Variants in CASZ1 observed in about 807,000 individuals in gnomAD.
CASZ1 encodes zinc finger protein castor homolog 1.
In CASZ1, 28 loss-of-function variants were observed where a neutral mutation model predicts 135.2. That is an observed-to-expected ratio of 0.21 (90% CI 0.15 to 0.28). The LOEUF (loss-of-function observed/expected upper bound fraction) is 0.28. Ranked by LOEUF, CASZ1 falls within the 10% of genes least tolerant of loss-of-function variation. The pLI, the probability that CASZ1 is intolerant of heterozygous loss-of-function variation, is 1.00. For synonymous variants in CASZ1, 1,068 were observed against 1,073.4 expected (o/e 0.99, Z 0.10); for missense variants, 2,161 against 2,453.3 (o/e 0.88, Z 2.52).
chr1:10,640,023 T>C lies in CASZ1; in HGVS notation c.4199A>G (p.Lys1400Arg), dbSNP rs773030997. The C allele has an allele frequency of 1.8e-5, 29 of 1,610,880 alleles. No homozygotes were observed. The highest frequency in any genetic ancestry group is 2.3e-5 in the Non-Finnish European group (27 of 1,179,878). ...GTCCTCGATGATCCAGAAGCGCTTT[T>C]TGGCCCCCGAGGCTGTCGGCATAGA... ...TISMPTASGAKKRFWIIEDMS... is the reference protein window; with the variant it reads ...TISMPTASGARKRFWIIEDMS... The change falls in exon 21 of 21, where the codon AAA (lysine) becomes AGA (arginine). Residue 1400 changes from lysine to arginine, a missense_variant. By Grantham distance (26) the Lys-to-Arg change is conservative. This residue lies in a region of CASZ1 where 143 missense variants were observed against 128.3 expected (regional missense o/e 1.11). Transcript: ENST00000377022.
chr1:10,743,356 T>C (rs72860186), intron 2 of CASZ1, among the ~76,000 whole-genome samples: 206 of 151,270 alleles, frequency 1.4e-3, no homozygotes, highest in African/African-American at 4.6e-3. Context: ...AGAAGGAGAC[T>C]ACATCTCCAA....
rs1277761012 is a variant in CASZ1, at chr1:10,697,568, ACTG to A, written c.-23-3659_-23-3657del. ...GAAAGCCATCTGCCCTTCCTGTCAC[ACTG>A]CTATCGCTGGTTCCTGTTACCCCCC... On this transcript the variant is annotated intron_variant, in intron 3 of 20. Coordinates refer to ENST00000377022, the MANE Select transcript of CASZ1 (RefSeq NM_001079843.3). This position sits in a 1 kb window ranked among gnomAD's most constrained non-coding sequence, Gnocchi z 4.7. Among the ~76,000 whole-genome samples, 1 of 151,346 alleles carries A rather than the reference ACTG, an allele frequency of 6.6e-6. No individual in the cohort carries two copies. Among genetic ancestry groups the A allele is most frequent in the Non-Finnish European group, 1.5e-5 (1 of 67,894 alleles).
chr1:10,651,093 GGAA>G lies in CASZ1; in HGVS notation c.2681-20_2681-18del. 6.7e-7 allele frequency: 1 copy of G among 1,489,722 alleles called. No individual in the cohort carries two copies. Among genetic ancestry groups the G allele is most frequent in the Non-Finnish European group, 8.9e-7 (1 of 1,129,756 alleles). The allele number at this position is 1,489,722 out of a possible 1,614,324, so 92.3% of individuals were successfully genotyped here. On this transcript the variant is annotated intron_variant, in intron 11 of 20. Transcript: ENST00000377022. ...GCCCGCTTCCTGCAGGGGAGGGGTG[GGAA>G]GATGCGTCAGAGGGGCTGAAGGCCT...
intron 2 of CASZ1, among the ~76,000 whole-genome samples, chr1:10,731,205 T>A (rs776380691): frequency 6.6e-6 from 1 of 152,122 alleles, no homozygotes; most frequent in Non-Finnish European, 1.5e-5. Context: ...GGTTACAAAG[T>A]CTCACATCAG....
intron 2 of CASZ1, among the ~76,000 whole-genome samples, chr1:10,731,348 C>T (rs536159028): frequency 1.3e-5 from 2 of 151,966 alleles, no homozygotes; most frequent in Non-Finnish European, 2.9e-5. Context: ...TTTGGGAGGC[C>T]GAAGCAGGAG....
chr1:10,787,961 TATG>T (rs756506451), intron 1 of CASZ1, among the ~76,000 whole-genome samples: 2 of 152,172 alleles, frequency 1.3e-5, no homozygotes, highest in African/African-American at 4.8e-5. Context: ...TTTTTAAAAC[TATG>T]ATAAGTCCAA....
intron 2 of CASZ1, among the ~76,000 whole-genome samples, chr1:10,734,869 G>A (rs1008907608): frequency 6.6e-6 from 1 of 152,116 alleles, no homozygotes; most frequent in Non-Finnish European, 1.5e-5. Context: ...AGGATCTGAG[G>A]AGCATGCATC....
intron 4 of CASZ1, among the ~76,000 whole-genome samples, chr1:10,681,998 AAT>A (rs1440917053): frequency 6.6e-6 from 1 of 152,134 alleles, no homozygotes; most frequent in Non-Finnish European, 1.5e-5. Context: ...TTTCTGAATA[AAT>A]CCTGCAACTG....
At chr1:10,703,600 T>C (rs1382268204) in intron 3 of CASZ1, among the ~76,000 whole-genome samples, 1 of 152,002 alleles carries the variant, frequency 6.6e-6, no homozygotes, top group African/African-American at 2.4e-5. Context: ...GGGCTGCCAG[T>C]CCACGACCTG....
chr1:10,659,095 G>A (rs1642906877), intron 6 of CASZ1, among the ~76,000 whole-genome samples: 1 of 151,616 alleles, frequency 6.6e-6, no homozygotes, highest in Admixed American at 6.6e-5. Context: ...TGACTACCCA[G>A]GCCGTTCCCC....
At chr1:10,702,906 G>A (rs1222384017) in intron 3 of CASZ1, among the ~76,000 whole-genome samples, 4 of 152,088 alleles carry the variant, frequency 2.6e-5, no homozygotes, top group African/African-American at 7.2e-5. Flanking sequence ...CAATTAGGGT[G>A]ACAAGGAAGT....
intron 1 of CASZ1, among the ~76,000 whole-genome samples, chr1:10,775,184 G>A (rs1230703323): frequency 6.6e-6 from 1 of 152,114 alleles, no homozygotes; most frequent in African/African-American, 2.4e-5. Context: ...CCAGTGCATC[G>A]CTTTGGGCCA....
In CASZ1 at chr1:10,642,992, T is replaced by A; in HGVS notation, c.4029A>T (p.Pro1343=). Reference sequence around the variant, plus strand: ...CATCTGTCTCAGCATCCATCAGGCCTGGGGGGCCCTGAAAGGACACGGGGG... The same window carrying A: ...CATCTGTCTCAGCATCCATCAGGCCAGGGGGGCCCTGAAAGGACACGGGGG... ...FDRVPPSQGP[P]GLMDAETDEC... The change falls in exon 20 of 21, where the codon CCA becomes CCT. Residue 1343 remains proline (P), a synonymous_variant. Coordinates refer to ENST00000377022, the MANE Select transcript of CASZ1 (RefSeq NM_001079843.3). 1 of 1,612,416 alleles carries A rather than the reference T, an allele frequency of 6.2e-7. No homozygotes were observed. Among genetic ancestry groups the A allele is most frequent in the Non-Finnish European group, 8.5e-7 (1 of 1,179,578 alleles).
At chr1:10,729,555 TG>T (rs1639665230) in intron 2 of CASZ1, among the ~76,000 whole-genome samples, 1 of 152,208 alleles carries the variant, frequency 6.6e-6, no homozygotes, top group African/African-American at 2.4e-5. Context: ...GCCAGAGCCC[TG>T]GGGGGCTTAG....
chr1:10,639,051 G>A lies in CASZ1; in HGVS notation c.5171C>T (p.Pro1724Leu). Residue 1724 changes from proline to leucine, a missense_variant, in exon 21 of 21, where the codon CCC becomes CTC. Around this residue, in one of 7 missense-constraint regions of CASZ1, gnomAD observed 185 missense variants for 134.7 expected, o/e 1.37. Coordinates refer to ENST00000377022, the MANE Select transcript of CASZ1 (RefSeq NM_001079843.3). The surrounding 1 kb of genome is among the most constrained non-coding windows in gnomAD (Gnocchi z 4.0). ...DLRTDSEESL[P>L]EAAAEAAGAG... is the part of the protein sequence containing the mutation. ...GCCCGCCGCCTCCGCCGCCGCCTCG[G>A]GCAGCGACTCCTCCGAGTCGGTGCG... 9.3e-7 allele frequency: 1 copy of A among 1,078,968 alleles called. No homozygotes were observed. 66.8% of individuals were successfully genotyped at this position (1,078,968 alleles called of 1,614,324 possible).
Position 10,794,820 on chromosome 1 carries a change from G to C in CASZ1, c.-234+1744C>G, listed in dbSNP as rs1641032926. ...GACGGCGCATACACCTGTTCCCTTCGCGGAGGAGCTTCCAGCGCCGGGGAC... is the reference window on the plus strand; with the variant it reads ...GACGGCGCATACACCTGTTCCCTTCCCGGAGGAGCTTCCAGCGCCGGGGAC... On this transcript the variant is annotated intron_variant, in intron 1 of 20. Coordinates refer to ENST00000377022, the MANE Select transcript of CASZ1 (RefSeq NM_001079843.3). This position sits in a 1 kb window ranked among gnomAD's most constrained non-coding sequence, Gnocchi z 5.6. Among the ~76,000 whole-genome samples, 1 of 151,962 alleles carries C rather than the reference G, an allele frequency of 6.6e-6. No individual in the cohort carries two copies. Among genetic ancestry groups the C allele is most frequent in the South Asian group, 2.1e-4 (1 of 4,830 alleles).
In CASZ1 at chr1:10,710,973, A is replaced by C. The variant is rs186614399; in HGVS notation, c.-76-5429T>G. Reference sequence around the variant, plus strand: ...TGGTGAAACCCTGTCTCTACTAAAAATACAAATATTAGCCGGGTGTGGTGG... The same window carrying C: ...TGGTGAAACCCTGTCTCTACTAAAACTACAAATATTAGCCGGGTGTGGTGG... On this transcript the variant is annotated intron_variant, in intron 2 of 20. Transcript: ENST00000377022. Among the ~76,000 whole-genome samples the C allele has an allele frequency of 4.5e-4, 68 of 152,324 alleles. No homozygotes were observed. The East Asian group carries it at 0.013, about 28-fold the overall frequency.
chr1:10,680,956 A>G (rs1638398504), intron 4 of CASZ1, among the ~76,000 whole-genome samples: 1 of 152,142 alleles, frequency 6.6e-6, no homozygotes, highest in South Asian at 2.1e-4. Context: ...GCTGGAGTGC[A>G]GTGGCACAAT....
rs1214857300 is a variant in CASZ1, at chr1:10,679,366, G to A, written c.17-13795C>T. Among the ~76,000 whole-genome samples the A allele has an allele frequency of 1.3e-5, 2 of 152,086 alleles. No homozygotes were observed. The highest frequency in any genetic ancestry group is 2.9e-5 in the Non-Finnish European group (2 of 67,976). ...AGCAGGCGGAAACACTCCCAACCCC[G>A]GACTTAGGCCCCTGTCAGAATAGAC... is the stretch of plus-strand genomic sequence containing the variant. On this transcript the variant is annotated intron_variant, in intron 4 of 20. Transcript: ENST00000377022. The surrounding 1 kb of genome is among the most constrained non-coding windows in gnomAD (Gnocchi z 4.7).
Sources: gnomAD v4.1 joint callset for allele counts (sites outside exome capture counted in the v4.1 genomes callset) on GRCh38, gnomAD v4.1.1 for gene constraint, gnomAD v4.1.1 regional missense constraint, Gnocchi (gnomAD v3.1) non-coding constraint, MANE v1.5 for transcripts, NCBI Gene and HGNC (gene_info 2026-07-23, HGNC 2026-07-21) for gene names.